Variants in DPP6 observed in about 807,000 individuals in gnomAD.
The protein encoded by DPP6 is A-type potassium channel modulatory protein DPP6.
DPP6 carries 69 observed loss-of-function variants against 122.6 expected under a neutral mutation model. The observed-to-expected ratio is 0.56, with a 90% CI of 0.46 to 0.69. The LOEUF is 0.69. Ranked by LOEUF, DPP6 falls within the 30% of genes least tolerant of loss-of-function variation. DPP6 has a pLI of 0.00. For synonymous variants in DPP6, 418 were observed against 433.1 expected, an observed-to-expected ratio of 0.97 and a Z score of 0.43; for missense variants, 928 against 1,116.9, an observed-to-expected ratio of 0.83 and a Z score of 2.41.
chr7:154,126,747 G>A (rs1807916377), intron 1 of DPP6, among the ~76,000 whole-genome samples: 1 of 152,038 alleles, frequency 6.6e-6, no homozygotes, highest in Admixed American at 6.5e-5. Flanking sequence ...TTTCAAACCT[G>A]TCTAAACAGT....
intron 7 of DPP6, among the ~76,000 whole-genome samples, chr7:154,680,234 AG>A (rs1839198502): frequency 6.6e-6 from 1 of 152,200 alleles, no homozygotes; most frequent in Non-Finnish European, 1.5e-5. Context: ...TAAATGGAGG[AG>A]GCATAAGAGA....
rs1261904828 is a variant in DPP6, at chr7:154,618,911, C to A, written c.628-18910C>A. Among the ~76,000 whole-genome samples the A allele has an allele frequency of 6.6e-6, 1 of 152,192 alleles. No individual in the cohort carries two copies. Among genetic ancestry groups the A allele is most frequent in the African/African-American group, 2.4e-5 (1 of 41,430 alleles). ...TCTTGAATTGTAGCTCCCATTATCC[C>A]TACATGTTGTAGGAGGGACCTGGTA... On this transcript the variant is annotated intron_variant, in intron 5 of 25. Coordinates refer to ENST00000377770, the MANE Select transcript of DPP6 (RefSeq NM_130797.4). The surrounding 1 kb of genome is among the most constrained non-coding windows in gnomAD (Gnocchi z 4.1).
At chr7:153,836,532 A>G in the DPP6 span, among the ~76,000 whole-genome samples, 1 of 152,224 alleles carries the variant, frequency 6.6e-6, no homozygotes, top group African/African-American at 2.4e-5. Context: ...GGAATAGTAG[A>G]AACTGGCTCC....
At chr7:154,553,194 G>A (rs75908369) in intron 4 of DPP6, among the ~76,000 whole-genome samples, 6,158 of 152,328 alleles carry the variant, frequency 0.04, 422 homozygotes, top group African/African-American at 0.14. Context: ...AATTAAGGCA[G>A]TGGCTTTGAA....
At chr7:153,974,057 A>T (rs942979130) in intron 1 of DPP6, among the ~76,000 whole-genome samples, 5 of 152,074 alleles carry the variant, frequency 3.3e-5, no homozygotes, top group Non-Finnish European at 7.4e-5. Flanking sequence ...AGGTCCAATC[A>T]TCTGCAAAGG....
At chr7:154,625,164 G>A (rs758289769) in intron 5 of DPP6, among the ~76,000 whole-genome samples, 12 of 152,192 alleles carry the variant, frequency 7.9e-5, no homozygotes, top group East Asian at 1.9e-4. Context: ...ACATGTGCAC[G>A]TGGGGCAGAA....
At chr7:154,661,646 A>G (rs1422040650) in intron 6 of DPP6, among the ~76,000 whole-genome samples, 3 of 147,514 alleles carry the variant, frequency 2.0e-5, no homozygotes, top group Non-Finnish European at 3.0e-5. Flanking sequence ...TAGTATTCAT[A>G]TAGTCATGGT....
intron 1 of DPP6, among the ~76,000 whole-genome samples, chr7:154,173,645 T>A (rs1050722503): frequency 1.3e-5 from 2 of 152,174 alleles, no homozygotes; most frequent in African/African-American, 4.8e-5. Flanking sequence ...GCTGACCAGC[T>A]GTGCAACTCT....
intron 6 of DPP6, among the ~76,000 whole-genome samples, chr7:154,668,678 T>C (rs1215181556): frequency 6.6e-6 from 1 of 152,156 alleles, no homozygotes; most frequent in African/African-American, 2.4e-5. Context: ...AGCTACAAAA[T>C]ATACTGAAAT....
chr7:153,948,049 C>T (rs1802029256), intron 1 of DPP6, among the ~76,000 whole-genome samples: 1 of 152,180 alleles, frequency 6.6e-6, no homozygotes, highest in African/African-American at 2.4e-5. Flanking sequence ...CCGGTGACCT[C>T]ATGGTAACCT....
At chr7:153,776,411 C>T in the DPP6 span, among the ~76,000 whole-genome samples, 2 of 152,092 alleles carry the variant, frequency 1.3e-5, no homozygotes, top group African/African-American at 4.8e-5. Flanking sequence ...TTGCTTGGCA[C>T]GTTTCCTTGC....
At chr7:153,866,333 A>G in the DPP6 span, among the ~76,000 whole-genome samples, 1 of 152,126 alleles carries the variant, frequency 6.6e-6, no homozygotes, top group Non-Finnish European at 1.5e-5. Context: ...TGACTTTTTA[A>G]TGATCGCCGT....
At chr7:153,824,413 G>T in the DPP6 span, among the ~76,000 whole-genome samples, 1 of 137,002 alleles carries the variant, frequency 7.3e-6, no homozygotes, top group Admixed American at 7.4e-5. Flanking sequence ...AAAGCCAGGC[G>T]TAGTGGCTCA....
At chr7:154,720,910 C>CT (rs1371202178) in intron 7 of DPP6, among the ~76,000 whole-genome samples, 2 of 152,250 alleles carry the variant, frequency 1.3e-5, no homozygotes, top group Non-Finnish European at 2.9e-5. Context: ...AGCAAGAGGT[C>CT]TTTCCCCAAT....
intron 3 of DPP6, among the ~76,000 whole-genome samples, chr7:154,528,296 A>G (rs1226213474): frequency 6.6e-6 from 1 of 152,212 alleles, no homozygotes; most frequent in African/African-American, 2.4e-5. Flanking sequence ...AATGCACTCT[A>G]CACTCCCCTA....
chr7:153,949,042 T>A (rs1281081500), intron 1 of DPP6, among the ~76,000 whole-genome samples: 6 of 152,224 alleles, frequency 3.9e-5, no homozygotes, highest in Admixed American at 1.3e-4. Flanking sequence ...AATAGACGAC[T>A]GAATTGCTCC....
rs75666417 is a variant in DPP6 at position 154,382,186 on chromosome 7, C to T, written c.244-64028C>T. Among the ~76,000 whole-genome samples the T allele has an allele frequency of 7.1e-3, 1,080 of 151,592 alleles. 12 individuals carry two copies. The highest frequency in any genetic ancestry group is 0.025 in the African/African-American group (1,027 of 41,330). On this transcript the variant is annotated intron_variant, in intron 1 of 25. Coordinates refer to ENST00000377770, the MANE Select transcript of DPP6 (RefSeq NM_130797.4). The stretch of plus-strand genomic sequence containing the variant: ...GTGACTCCCTCTGCTCAAAATCGTC[C>T]GCATTTTTTTTCTTCTTCTGAGACA...
At chr7:154,670,740 A>G (rs1342561532) in intron 7 of DPP6, among the ~76,000 whole-genome samples, 1 of 152,216 alleles carries the variant, frequency 6.6e-6, no homozygotes, top group Non-Finnish European at 1.5e-5. Flanking sequence ...GCTCCCACAG[A>G]ATTGTATCGG....
intron 1 of DPP6, among the ~76,000 whole-genome samples, chr7:154,243,517 G>A (rs970510051): frequency 7.9e-5 from 12 of 152,106 alleles, no homozygotes; most frequent in Non-Finnish European, 1.3e-4. Flanking sequence ...AGAAGAGGCC[G>A]GGGCACAGTG....
Sources: gnomAD v4.1 joint callset for allele counts (sites outside exome capture counted in the v4.1 genomes callset) on GRCh38, gnomAD v4.1.1 for gene constraint, Gnocchi (gnomAD v3.1) non-coding constraint, MANE v1.5 for transcripts, NCBI Gene and HGNC (gene_info 2026-07-23, HGNC 2026-07-21) for gene names.